Variants in LRRN1 observed in about 807,000 individuals in gnomAD.
LRRN1 encodes leucine rich repeat neuronal 1.
LRRN1 carries 14 observed loss-of-function variants against 45.8 expected under a neutral mutation model. That is an observed-to-expected ratio of 0.31 (90% CI 0.20 to 0.48). LRRN1 has a LOEUF of 0.48. Among genes scored for constraint, LRRN1 ranks in the 20% least tolerant of loss-of-function variants. The probability of loss-of-function intolerance (pLI) is 0.99; values close to 1 mark genes in which losing one functional copy is unlikely to be tolerated. For missense variants in LRRN1, 789 were observed against 874.2 expected (o/e 0.90, Z 1.23); for synonymous variants, 359 against 330.1 (o/e 1.09, Z -0.95).
chr3:3,823,859 G>C (rs1693160718), intron 1 of LRRN1, among the ~76,000 whole-genome samples: 1 of 152,100 alleles, frequency 6.6e-6, no homozygotes, highest in Non-Finnish European at 1.5e-5. Flanking sequence ...TGCTTAATGG[G>C]TACCTTTAAG....
intron 1 of LRRN1, among the ~76,000 whole-genome samples, chr3:3,826,160 A>C (rs1052880481): frequency 1.3e-5 from 2 of 152,178 alleles, no homozygotes; most frequent in African/African-American, 4.8e-5. Context: ...GATCTTTGTC[A>C]CAATCAAACT....
At chr3:3,842,487 A>C (rs970823947) in intron 1 of LRRN1, among the ~76,000 whole-genome samples, 11 of 152,146 alleles carry the variant, frequency 7.2e-5, no homozygotes, top group African/African-American at 2.7e-4. Context: ...TCTTACTGTG[A>C]AAATATGACT....
chr3:3,848,169 A>G lies in LRRN1; in HGVS notation c.*1377A>G, dbSNP rs1362460055. On this transcript the variant is annotated 3_prime_UTR_variant, in exon 2 of 2. Coordinates refer to ENST00000319331, the MANE Select transcript of LRRN1 (RefSeq NM_020873.7). ...TGCTTAGACCCGTGTTAGTCTCTAT[A>G]TCTGTGTGGCAATATCTGCTGAGAC... Among the ~76,000 whole-genome samples, 1 of 152,206 alleles carries G rather than the reference A, an allele frequency of 6.6e-6. No homozygotes were observed. Among genetic ancestry groups the G allele is most frequent in the African/African-American group, 2.4e-5 (1 of 41,462 alleles).
At chr3:3,833,459 C>A (rs1313516625) in intron 1 of LRRN1, among the ~76,000 whole-genome samples, 1 of 152,240 alleles carries the variant, frequency 6.6e-6, no homozygotes, top group African/African-American at 2.4e-5. Flanking sequence ...ATTCCTTCCA[C>A]CATTATCCCA....
chr3:3,832,151 G>A (rs1693386441), intron 1 of LRRN1, among the ~76,000 whole-genome samples: 1 of 152,180 alleles, frequency 6.6e-6, no homozygotes, highest in Admixed American at 6.5e-5. Flanking sequence ...AGAGTTGAAT[G>A]GGGTTGTGGT....
rs913478457 is a variant in LRRN1, at chr3:3,847,325, ATGT to A, written c.*537_*539del. The A allele has an allele frequency of 1.8e-5, 3 of 166,632 alleles. No homozygotes were observed. Among genetic ancestry groups the A allele is most frequent in the African/African-American group, 7.2e-5 (3 of 41,398 alleles). 10.3% of individuals were successfully genotyped at this position (166,632 alleles called of 1,614,324 possible). A position where few individuals can be genotyped will look rare whatever the true frequency, so the allele number is the denominator to read the frequency against. On this transcript the variant is annotated 3_prime_UTR_variant, in exon 2 of 2. Transcript: ENST00000319331. ...AATGATGTTAGTTGACTGTACTGTA[ATGT>A]TGTATCAACTGAATTGAATGTTTGC...
intron 1 of LRRN1, among the ~76,000 whole-genome samples, chr3:3,802,729 C>T (rs544190724): frequency 1.1e-4 from 16 of 152,306 alleles, no homozygotes; most frequent in African/African-American, 3.8e-4. Flanking sequence ...TTCTAATAAA[C>T]TCTTAATTTG....
intron 1 of LRRN1, among the ~76,000 whole-genome samples, chr3:3,809,246 C>G (rs756342008): frequency 3.0e-4 from 46 of 152,120 alleles, no homozygotes; most frequent in Non-Finnish European, 5.4e-4. Context: ...GGGGTTCAAG[C>G]AAGTCTTGTG....
rs2106472342 is a variant in LRRN1 at position 3,845,270 on chromosome 3, A to G, written c.629A>G (p.Asn210Ser). 1 of 1,614,132 alleles carries G rather than the reference A, an allele frequency of 6.2e-7. No homozygotes were observed. The highest frequency in any genetic ancestry group is 1.7e-4 in the Middle Eastern group (1 of 6,060). ...CCTGTGATTGGAATTCTGGATATGA[A>G]CTTCAAACCCCTCGCAAATTTGAGA... ...ENPVIGILDM[N>S]FKPLANLRSL... The change falls in exon 2 of 2, where the codon AAC becomes AGC. Residue 210 changes from asparagine (N) to serine (S), a missense_variant. Coordinates refer to ENST00000319331, the MANE Select transcript of LRRN1 (RefSeq NM_020873.7). This position sits in a 1 kb window ranked among gnomAD's most constrained non-coding sequence, Gnocchi z 6.5.
Position 3,847,039 on chromosome 3 carries a change from A to T in LRRN1, c.*247A>T, listed in dbSNP as rs752541548. On this transcript the variant is annotated 3_prime_UTR_variant, in exon 2 of 2. Transcript: ENST00000319331. Reference sequence around the variant, plus strand: ...TCTTATCATTATTATGATTGTTATTATATTATTATTTTATTTTAGTTGTTG... The same window carrying T: ...TCTTATCATTATTATGATTGTTATTTTATTATTATTTTATTTTAGTTGTTG... 9.8e-6 allele frequency: 3 copies of T among 306,318 alleles called. No individual in the cohort carries two copies. The highest frequency in any genetic ancestry group is 6.6e-5 in the African/African-American group (3 of 45,636). 19.0% of individuals were successfully genotyped at this position (306,318 alleles called of 1,614,324 possible).
At chr3:3,811,715 A>G (rs1377065702) in intron 1 of LRRN1, among the ~76,000 whole-genome samples, 7 of 152,222 alleles carry the variant, frequency 4.6e-5, no homozygotes, top group Non-Finnish European at 2.9e-5. Context: ...AAAAGTATTC[A>G]TTAAATGCAT....
chr3:3,812,808 G>T (rs1692904145), intron 1 of LRRN1, among the ~76,000 whole-genome samples: 3 of 115,442 alleles, frequency 2.6e-5, no homozygotes, highest in Admixed American at 8.7e-5. Flanking sequence ...CTGAATCTTG[G>T]TTGTAAAAAA....
In LRRN1 at chr3:3,845,135, G is replaced by A; in HGVS notation, c.494G>A (p.Gly165Asp). Reference protein sequence around the residue: ...ISTISAHAFAGLKNLLRLHLN... With the variant: ...ISTISAHAFADLKNLLRLHLN... ...ACTATTTCTGCTCATGCTTTTGCAG[G>A]CTTAAAAAATCTATTAAGGCTCCAC... Residue 165 changes from glycine (G) to aspartate (D), a missense_variant, in exon 2 of 2, where the codon GGC (glycine) becomes GAC (aspartate). Gly to Asp is a moderately conservative substitution (Grantham distance 94). Coordinates refer to ENST00000319331, the MANE Select transcript of LRRN1 (RefSeq NM_020873.7). The surrounding 1 kb of genome is among the most constrained non-coding windows in gnomAD (Gnocchi z 6.5). 3 of 1,614,098 alleles carry A rather than the reference G, an allele frequency of 1.9e-6. No homozygotes were observed. Among genetic ancestry groups the A allele is most frequent in the Non-Finnish European group, 2.5e-6 (3 of 1,180,024 alleles).
intron 1 of LRRN1, among the ~76,000 whole-genome samples, chr3:3,835,670 T>A (rs1428907439): frequency 6.6e-6 from 1 of 151,210 alleles, no homozygotes; most frequent in Admixed American, 6.6e-5. Flanking sequence ...CCCAACTTCA[T>A]AAGAAGTTAA....
Position 3,845,128 on chromosome 3 carries a change from T to G in LRRN1, c.487T>G (p.Phe163Val), listed in dbSNP as rs1350365369. 1.2e-6 allele frequency: 2 copies of G among 1,614,160 alleles called. No homozygotes were observed. Among genetic ancestry groups the G allele is most frequent in the Non-Finnish European group, 8.5e-7 (1 of 1,180,034 alleles). ...AATTAGCACTATTTCTGCTCATGCT[T>G]TTGCAGGCTTAAAAAATCTATTAAG... is the stretch of plus-strand genomic sequence containing the variant. Reference protein sequence around the residue: ...NQISTISAHAFAGLKNLLRLH... With the variant: ...NQISTISAHAVAGLKNLLRLH... Residue 163 changes from phenylalanine to valine, a missense_variant, in exon 2 of 2, where the codon TTT becomes GTT. Transcript: ENST00000319331. This position sits in a 1 kb window ranked among gnomAD's most constrained non-coding sequence, Gnocchi z 6.5.
At chr3:3,825,481 C>T (rs992206786) in intron 1 of LRRN1, among the ~76,000 whole-genome samples, 2 of 151,920 alleles carry the variant, frequency 1.3e-5, no homozygotes, top group African/African-American at 2.4e-5. Context: ...ATTTTTGTCT[C>T]GATGAATTAA....
chr3:3,826,103 G>A (rs1337973592), intron 1 of LRRN1, among the ~76,000 whole-genome samples: 1 of 152,014 alleles, frequency 6.6e-6, no homozygotes, highest in Non-Finnish European at 1.5e-5. Context: ...TACTGTGTTA[G>A]AATCAACTCC....
intron 1 of LRRN1, among the ~76,000 whole-genome samples, chr3:3,811,889 G>A (rs1692877599): frequency 6.6e-6 from 1 of 152,172 alleles, no homozygotes; most frequent in Non-Finnish European, 1.5e-5. Context: ...CAACAAAGCA[G>A]AAAAACAGGG....
chr3:3,834,183 G>A (rs1693433923), intron 1 of LRRN1, among the ~76,000 whole-genome samples: 2 of 151,854 alleles, frequency 1.3e-5, no homozygotes, highest in African/African-American at 4.8e-5. Context: ...ACTGAACTTA[G>A]GAGCAACCAA....
Sources: allele counts gnomAD v4.1 joint callset (sites outside exome capture counted in the v4.1 genomes callset), GRCh38; gene constraint gnomAD v4.1.1; non-coding constraint Gnocchi (gnomAD v3.1); transcripts MANE v1.5; gene names NCBI Gene and HGNC (gene_info 2026-07-23, HGNC 2026-07-21).